DNAH8: variants seen among roughly 807,000 people sequenced by gnomAD.
DNAH8 encodes dynein axonemal heavy chain 8.
DNAH8 carries 382 observed loss-of-function variants against 562.1 expected under a neutral mutation model. The observed-to-expected ratio is 0.68, with a 90% confidence interval of 0.63 to 0.74. The LOEUF (loss-of-function observed/expected upper bound fraction) is 0.74. DNAH8 is among the 30% of genes least tolerant of loss of function. The probability of loss-of-function intolerance (pLI) is 0.00; values close to 1 mark genes in which losing one functional copy is unlikely to be tolerated. For synonymous variants in DNAH8, 1,881 were observed against 1,919.4 expected (o/e 0.98, Z 0.52); for missense variants, 5,203 against 5,620.4 (o/e 0.93, Z 2.37).
chr6:38,743,820 G>A (rs898600911), intron 8 of DNAH8, among the ~76,000 whole-genome samples: 2 of 152,136 alleles, frequency 1.3e-5, no homozygotes, highest in Admixed American at 6.5e-5. Context: ...GCATAACGCT[G>A]CTATGAACAT....
intron 92 of DNAH8, 76 bp from the exon 93 acceptor site, chr6:39,030,029 T>C (rs1767563501): frequency 8.3e-7 from 1 of 1,201,138 alleles, no homozygotes; most frequent in Admixed American, 2.0e-5. Flanking sequence ...ATTTCCAAAC[T>C]GACAGCCTTT....
Position 38,870,485 on chromosome 6 carries a change from C to T in DNAH8, c.6913C>T (p.Leu2305=). ...ACTGGATAGTAATACTTATGCAGAA[C>T]TGCAAAACGCAGTAGCCCATCAGGT... ...LQLDSNTYAE[L]QNAVAHQVQI... Residue 2305 remains leucine (L), a synonymous_variant, in exon 49 of 93, where the codon CTG becomes TTG. Transcript: ENST00000327475. 1.2e-6 allele frequency: 2 copies of T among 1,614,092 alleles called. No homozygotes were observed. Among genetic ancestry groups the T allele is most frequent in the Middle Eastern group, 1.7e-4 (1 of 6,060 alleles).
At chr6:38,955,941 C>T (rs532351319) in intron 82 of DNAH8, among the ~76,000 whole-genome samples, 2 of 152,354 alleles carry the variant, frequency 1.3e-5, no homozygotes, top group African/African-American at 4.8e-5. Context: ...GCCCTGCTCC[C>T]CAAGGAGTTT....
intron 11 of DNAH8, among the ~76,000 whole-genome samples, chr6:38,764,955 C>T (rs113716053): frequency 0.02 from 3,047 of 152,280 alleles, 114 homozygotes; most frequent in African/African-American, 0.07. Flanking sequence ...CGGTTTCAGC[C>T]TCCTGAGTAG....
chr6:38,895,829 A>G (rs1403460766), intron 59 of DNAH8, among the ~76,000 whole-genome samples: 2 of 152,202 alleles, frequency 1.3e-5, no homozygotes. Context: ...TAAGTGATTC[A>G]TCTGTGTTTT....
chr6:38,842,415 T>C lies in DNAH8; in HGVS notation c.4514T>C (p.Val1505Ala). The C allele has an allele frequency of 6.2e-7, 1 of 1,612,774 alleles. No homozygotes were observed. The highest frequency in any genetic ancestry group is 8.5e-7 in the Non-Finnish European group (1 of 1,179,296). Residue 1505 changes from valine (V) to alanine (A), a missense_variant, in exon 34 of 93, where the codon GTA becomes GCA. Around this residue, in one of 6 missense-constraint regions of DNAH8, gnomAD observed 2,176 missense variants for 2,365.1 expected, o/e 0.92. Coordinates refer to ENST00000327475, the MANE Select transcript of DNAH8 (RefSeq NM_001206927.2). ...AAGCTGTATGGATTGTATGACACCG[T>C]AATGAGCAGTATTAGTGGTTATTAT... ...LQKLYGLYDT[V>A]MSSISGYYEI...
At chr6:39,005,993 G>A (rs186473508) in intron 88 of DNAH8, among the ~76,000 whole-genome samples, 1 of 152,358 alleles carries the variant, frequency 6.6e-6, no homozygotes, top group African/African-American at 2.4e-5. Flanking sequence ...GCCAAGAAGT[G>A]CAGGTGGCCT....
intron 88 of DNAH8, among the ~76,000 whole-genome samples, chr6:38,994,689 C>A (rs1378327550): frequency 6.7e-6 from 1 of 149,614 alleles, no homozygotes; most frequent in Non-Finnish European, 1.5e-5. Context: ...GCTCTGTTGC[C>A]CAGGCTGGAG....
At chr6:38,974,567 C>T in intron 85 of DNAH8, 38 bp downstream of exon 85, 7 of 1,581,010 alleles carry the variant, frequency 4.4e-6, no homozygotes, top group Non-Finnish European at 6.1e-6. Context: ...TAGGAGATGG[C>T]CAGTGGTGTG....
chr6:38,783,897 C>G (rs567550636), intron 17 of DNAH8, among the ~76,000 whole-genome samples: 1 of 152,184 alleles, frequency 6.6e-6, no homozygotes, highest in Non-Finnish European at 1.5e-5. Flanking sequence ...ACCAGCGTCT[C>G]CACCTCAGCA....
chr6:38,893,955 G>A (rs549216965), intron 58 of DNAH8, among the ~76,000 whole-genome samples: 136 of 152,186 alleles, frequency 8.9e-4, no homozygotes, highest in African/African-American at 3.1e-3. Flanking sequence ...ATCTCTTAAC[G>A]GGTATCTCTC....
At chr6:38,840,622 C>T (rs1004270597) in intron 33 of DNAH8, among the ~76,000 whole-genome samples, 3 of 152,144 alleles carry the variant, frequency 2.0e-5, no homozygotes, top group Non-Finnish European at 4.4e-5. Context: ...TATGAGATTT[C>T]ACATATTAAT....
intron 71 of DNAH8, among the ~76,000 whole-genome samples, chr6:38,922,350 T>A (rs986118211): frequency 6.6e-6 from 1 of 151,998 alleles, no homozygotes; most frequent in Non-Finnish European, 1.5e-5. Context: ...CTGGCAATTT[T>A]AAACTCCAAT....
intron 76 of DNAH8, among the ~76,000 whole-genome samples, chr6:38,935,213 G>A (rs1319789253): frequency 6.6e-6 from 1 of 152,108 alleles, no homozygotes; most frequent in Non-Finnish European, 1.5e-5. Context: ...GTTTCTACTT[G>A]TTCTGACTGC....
chr6:38,869,690 A>G (rs905903534), intron 48 of DNAH8, among the ~76,000 whole-genome samples: 1 of 152,164 alleles, frequency 6.6e-6, no homozygotes, highest in African/African-American at 2.4e-5. Flanking sequence ...TATTTCCCCA[A>G]TTTAAATAAA....
At chr6:38,881,847 G>A (rs761395875) in intron 53 of DNAH8, among the ~76,000 whole-genome samples, 2 of 151,960 alleles carry the variant, frequency 1.3e-5, no homozygotes, top group Non-Finnish European at 2.9e-5. Flanking sequence ...CACTGTGCCC[G>A]GACTTGAAAT....
At chr6:38,819,972 A>G (rs1175660314) in intron 26 of DNAH8, among the ~76,000 whole-genome samples, 1 of 152,222 alleles carries the variant, frequency 6.6e-6, no homozygotes, top group Non-Finnish European at 1.5e-5. Flanking sequence ...GACAAGAATA[A>G]GTCCACATCA....
chr6:38,832,240 T>A, intron 30 of DNAH8, 82 bp from the exon 31 acceptor site: 1 of 806,000 alleles, frequency 1.2e-6, no homozygotes, highest in South Asian at 1.6e-5. Flanking sequence ...ATCTGTGAGA[T>A]ACACTTGTTG....
At chr6:38,734,357 T>G in intron 4 of DNAH8, 117 bp from the exon 5 acceptor site, 2 of 967,050 alleles carry the variant, frequency 2.1e-6, no homozygotes, top group Non-Finnish European at 1.4e-6. Context: ...TCTATGACCG[T>G]ATTGAAAACT....
Sources: gnomAD v4.1 joint callset for allele counts (sites outside exome capture counted in the v4.1 genomes callset) on GRCh38, gnomAD v4.1.1 for gene constraint, gnomAD v4.1.1 regional missense constraint, MANE v1.5 for transcripts, NCBI Gene and HGNC (gene_info 2026-07-23, HGNC 2026-07-21) for gene names.